Variants in KCNH7 observed in about 807,000 individuals in gnomAD.
KCNH7 encodes the protein potassium voltage-gated channel subfamily H member 7, also known as voltage-gated inwardly rectifying potassium channel KCNH7.
A neutral mutation model predicts 120.8 loss-of-function variants in KCNH7; 49 were observed. That is an observed-to-expected ratio of 0.41 (90% CI 0.32 to 0.51). The LOEUF (loss-of-function observed/expected upper bound fraction) is 0.51, where lower values mean the gene tolerates loss of function less well. Ranked by LOEUF, KCNH7 falls within the 20% of genes least tolerant of loss-of-function variation. The pLI is 0.38. For synonymous variants in KCNH7, 547 were observed against 516.1 expected (o/e 1.06, Z -0.81); for missense variants, 1,097 against 1,446.6 (o/e 0.76, Z 3.92).
intron 2 of KCNH7, among the ~76,000 whole-genome samples, chr2:162,587,720 G>A (rs1040267296): frequency 6.6e-6 from 1 of 151,826 alleles, no homozygotes; most frequent in African/African-American, 2.4e-5. Flanking sequence ...ACAAAAAAAA[G>A]CATCTCCCTT....
intron 2 of KCNH7, among the ~76,000 whole-genome samples, chr2:162,752,954 A>AAAAGAAAAGAAAAGAAAAG: frequency 1.3e-4 from 14 of 110,746 alleles, no homozygotes; most frequent in African/African-American, 4.9e-4. Flanking sequence ...AAAAGAAAAG[A>AAAAGAAAAGAAAAGAAAAG]AAAGAAAAGA....
intron 2 of KCNH7, among the ~76,000 whole-genome samples, chr2:162,748,151 C>G (rs987813429): frequency 3.9e-5 from 6 of 152,226 alleles, no homozygotes; most frequent in Non-Finnish European, 7.3e-5. Flanking sequence ...AAGGCAAATA[C>G]TCTTGGGACC....
At chr2:162,636,018 C>A (rs1193715414) in intron 2 of KCNH7, among the ~76,000 whole-genome samples, 4 of 152,084 alleles carry the variant, frequency 2.6e-5, no homozygotes, top group Non-Finnish European at 5.9e-5. Flanking sequence ...GAGCCCATGT[C>A]CATTTCATTA....
chr2:162,516,800 G>C (rs1276893811), intron 4 of KCNH7, among the ~76,000 whole-genome samples: 1 of 151,784 alleles, frequency 6.6e-6, no homozygotes, highest in African/African-American at 2.4e-5. Context: ...GCATGGATTT[G>C]ATTGTAGACT....
rs571962789 is a variant in KCNH7 at position 162,664,483 on chromosome 2, T to C, written c.308-127403A>G. On this transcript the variant is annotated intron_variant, in intron 2 of 15. Coordinates refer to ENST00000332142, the MANE Select transcript of KCNH7 (RefSeq NM_033272.4). ...AGATGACATTGAATGGTAAAGAAGT[T>C]AAATAATTTGCCCACTGATACACAA... 2.0e-5 allele frequency among the ~76,000 whole-genome samples: 3 copies of C among 152,288 alleles called. No homozygotes were observed. In the East Asian group the frequency reaches 5.8e-4, roughly 29 times the overall value.
At chr2:162,643,067 G>A (rs111411627) in intron 2 of KCNH7, among the ~76,000 whole-genome samples, 2 of 152,272 alleles carry the variant, frequency 1.3e-5, no homozygotes, top group African/African-American at 4.8e-5. Context: ...CACAGCCCAA[G>A]CTATTACTTA....
intron 6 of KCNH7, among the ~76,000 whole-genome samples, chr2:162,465,362 C>T (rs1359995410): frequency 6.6e-6 from 1 of 152,106 alleles, no homozygotes; most frequent in Admixed American, 6.6e-5. Flanking sequence ...ATATTAAATG[C>T]AAGCTCTATG....
intron 2 of KCNH7, among the ~76,000 whole-genome samples, chr2:162,585,504 T>C (rs1005887429): frequency 6.6e-6 from 1 of 152,100 alleles, no homozygotes; most frequent in African/African-American, 2.4e-5. Flanking sequence ...CAAACTGGGA[T>C]ACATCTAATC....
intron 5 of KCNH7, 132 bp from the exon 6 acceptor site, chr2:162,504,789 T>C: frequency 1.6e-6 from 1 of 634,368 alleles, no homozygotes; most frequent in Non-Finnish European, 2.8e-6. Context: ...AGCCAGCTTA[T>C]ACCTGGACAC....
intron 6 of KCNH7, among the ~76,000 whole-genome samples, chr2:162,457,422 A>T (rs914654455): frequency 2.6e-5 from 4 of 152,186 alleles, no homozygotes; most frequent in African/African-American, 4.8e-5. Context: ...TTAAGCATAC[A>T]GTTTAGTACA....
chr2:162,597,205 A>G (rs755099802), intron 2 of KCNH7, among the ~76,000 whole-genome samples: 2 of 152,116 alleles, frequency 1.3e-5, no homozygotes, highest in Non-Finnish European at 2.9e-5. Flanking sequence ...ATACATCCAA[A>G]TGAATTGAAA....
chr2:162,663,354 C>G (rs1305626142), intron 2 of KCNH7, among the ~76,000 whole-genome samples: 1 of 152,160 alleles, frequency 6.6e-6, no homozygotes, highest in African/African-American at 2.4e-5. Flanking sequence ...GTTATGTTTT[C>G]ATCAACATCT....
At chr2:162,666,979 G>T (rs926318891) in intron 2 of KCNH7, among the ~76,000 whole-genome samples, 1 of 147,790 alleles carries the variant, frequency 6.8e-6, no homozygotes, top group African/African-American at 2.5e-5. Context: ...CCACTCTTTC[G>T]TCAGAACTAT....
At chr2:162,823,411 T>A (rs1281512450) in intron 2 of KCNH7, among the ~76,000 whole-genome samples, 1 of 152,172 alleles carries the variant, frequency 6.6e-6, no homozygotes, top group Non-Finnish European at 1.5e-5. Context: ...ATTAGCAAGA[T>A]ACTAGTGTTC....
In KCNH7 at chr2:162,371,728, C is replaced by T. The variant is rs183509596; in HGVS notation, c.*101G>A. On this transcript the variant is annotated 3_prime_UTR_variant, in exon 16 of 16. Coordinates refer to ENST00000332142, the MANE Select transcript of KCNH7 (RefSeq NM_033272.4). ...TACAGTACTTTTGCATATAATGGTACCTTGTGAGCCCCTGAGTCAAGTAGA... is the reference window on the plus strand; with the variant it reads ...TACAGTACTTTTGCATATAATGGTATCTTGTGAGCCCCTGAGTCAAGTAGA... 63 of 1,130,106 alleles carry T rather than the reference C, an allele frequency of 5.6e-5. No homozygotes were observed. The highest frequency in any genetic ancestry group is 3.9e-4 in the African/African-American group (25 of 63,700). 70.0% of individuals were successfully genotyped at this position (1,130,106 alleles called of 1,614,324 possible). A position where few individuals can be genotyped will look rare whatever the true frequency, so the allele number is the denominator to read the frequency against.
chr2:162,560,387 C>T (rs2105877418), intron 2 of KCNH7, among the ~76,000 whole-genome samples: 1 of 152,230 alleles, frequency 6.6e-6, no homozygotes, highest in South Asian at 2.1e-4. Context: ...AGTATCACAC[C>T]ATCCTAGACT....
At chr2:162,830,183 G>A (rs1029506982) in intron 2 of KCNH7, among the ~76,000 whole-genome samples, 10 of 152,080 alleles carry the variant, frequency 6.6e-5, no homozygotes, top group African/African-American at 1.2e-4. Context: ...GGTTTCTTTC[G>A]GGTGAGAAGC....
At chr2:162,579,733 G>A (rs1482569405) in intron 2 of KCNH7, among the ~76,000 whole-genome samples, 1 of 151,986 alleles carries the variant, frequency 6.6e-6, no homozygotes, top group African/African-American at 2.4e-5. Flanking sequence ...TCTTATAATG[G>A]CAACAGAAGC....
At chr2:162,635,921 A>G (rs1383230268) in intron 2 of KCNH7, among the ~76,000 whole-genome samples, 1 of 152,046 alleles carries the variant, frequency 6.6e-6, no homozygotes, top group Non-Finnish European at 1.5e-5. Context: ...GCTATCAAAT[A>G]TGCCTCCTTA....
Sources: allele counts gnomAD v4.1 joint callset (sites outside exome capture counted in the v4.1 genomes callset), GRCh38; gene constraint gnomAD v4.1.1; transcripts MANE v1.5; gene names NCBI Gene and HGNC (gene_info 2026-07-23, HGNC 2026-07-21).